The following RGS7BP variants were observed in gnomAD, a reference collection of about 807,000 sequenced individuals.
RGS7BP encodes the protein regulator of G protein signaling 7-binding protein.
Under a neutral mutation model 31.3 loss-of-function variants are expected in RGS7BP, and 9 were observed. That is an observed-to-expected ratio of 0.29 (90% CI 0.17 to 0.50). RGS7BP has a LOEUF of 0.50. Among genes scored for constraint, RGS7BP ranks in the 20% least tolerant of loss-of-function variants. The pLI is 0.98. For synonymous variants in RGS7BP, 115 were observed against 120.1 expected, an observed-to-expected ratio of 0.96 and a Z score of 0.28; for missense variants, 274 against 322.0, an observed-to-expected ratio of 0.85 and a Z score of 1.14.
chr5:64,539,403 A>G (rs1434551887), intron 2 of RGS7BP: 1 of 152,182 alleles, frequency 6.6e-6, no homozygotes, highest in African/African-American at 2.4e-5. Context: ...ATTTTTGTCT[A>G]TTATGGATTG....
intron 2 of RGS7BP, among the ~76,000 whole-genome samples, chr5:64,562,418 T>C (rs983744417): frequency 6.6e-6 from 1 of 152,138 alleles, no homozygotes; most frequent in African/African-American, 2.4e-5. Context: ...CTATGAAGTG[T>C]TATTATACTG....
Position 64,555,349 on chromosome 5 carries a change from A to G in RGS7BP, c.333-20425A>G, listed in dbSNP as rs916551052. On this transcript the variant is annotated intron_variant, in intron 2 of 5. Transcript: ENST00000334025. ...GGAGCTCATCACATTTTAGACAAAC[A>G]TATTTGTCTGTTTTACTCAATGTGT... is the stretch of plus-strand genomic sequence containing the variant. Among the ~76,000 whole-genome samples, 8 of 152,242 alleles carry G rather than the reference A, an allele frequency of 5.3e-5. No homozygotes were observed. In the East Asian group the frequency reaches 7.7e-4, roughly 15 times the overall value.
intron 2 of RGS7BP, among the ~76,000 whole-genome samples, chr5:64,524,076 A>G (rs1294372558): frequency 1.3e-5 from 2 of 152,200 alleles, no homozygotes; most frequent in East Asian, 3.8e-4. Flanking sequence ...CATGTTATTT[A>G]TATGATTTAG....
intron 2 of RGS7BP, among the ~76,000 whole-genome samples, chr5:64,520,659 G>A (rs1749082550): frequency 6.6e-6 from 1 of 152,250 alleles, no homozygotes; most frequent in Admixed American, 6.5e-5. Context: ...GGTCTGGGTA[G>A]GCTGAATTCT....
At chr5:64,507,950 A>G in intron 2 of RGS7BP, 73 bp downstream of exon 2, 1 of 1,276,294 alleles carries the variant, frequency 7.8e-7, no homozygotes, top group East Asian at 2.4e-5. Flanking sequence ...ATGGTAGTCA[A>G]GTCCTCAGAC....
rs577950522 is a variant in RGS7BP at position 64,546,373 on chromosome 5, G to T, written c.333-29401G>T. Among the ~76,000 whole-genome samples the T allele has an allele frequency of 1.9e-4, 29 of 152,156 alleles. No individual in the cohort carries two copies. In the South Asian group the frequency reaches 4.8e-3, roughly 25 times the overall value. ...CAAGAAGCAGCACCCTGAGAGGTAG[G>T]AGTAAAACAACGAAAGACAGCGTCA... On this transcript the variant is annotated intron_variant, in intron 2 of 5. Coordinates refer to ENST00000334025, the MANE Select transcript of RGS7BP (RefSeq NM_001029875.3).
At chr5:64,546,572 A>T (rs1031551879) in intron 2 of RGS7BP, among the ~76,000 whole-genome samples, 1 of 152,164 alleles carries the variant, frequency 6.6e-6, no homozygotes, top group Non-Finnish European at 1.5e-5. Context: ...TTGAAACAAG[A>T]TGGGGAGGTG....
intron 2 of RGS7BP, among the ~76,000 whole-genome samples, chr5:64,518,367 C>T (rs527267345): frequency 4.8e-5 from 5 of 103,504 alleles, no homozygotes; most frequent in Non-Finnish European, 9.5e-5. Flanking sequence ...GTGGTGGTGG[C>T]GGGGGTGGGG....
At chr5:64,510,652 A>G (rs1748808918) in intron 2 of RGS7BP, among the ~76,000 whole-genome samples, 1 of 152,244 alleles carries the variant, frequency 6.6e-6, no homozygotes, top group South Asian at 2.1e-4. Flanking sequence ...ACTAAAAGTC[A>G]TTGAATTGTA....
At chr5:64,548,803 G>C (rs935280585) in intron 2 of RGS7BP, among the ~76,000 whole-genome samples, 4 of 151,294 alleles carry the variant, frequency 2.6e-5, no homozygotes, top group African/African-American at 7.3e-5. Context: ...CACCACTCCT[G>C]GCCTTGTTCT....
At position 64,538,758 on chromosome 5, in the gene RGS7BP, G is replaced by C. The variant is rs796241898; in HGVS notation, c.332+30881G>C. Among the ~76,000 whole-genome samples, 43 of 151,652 alleles carry C rather than the reference G, an allele frequency of 2.8e-4. 2 individuals carry two copies. The highest frequency in any genetic ancestry group is 9.9e-4 in the African/African-American group (41 of 41,332). On this transcript the variant is annotated intron_variant, in intron 2 of 5. Transcript: ENST00000334025. ...GTTAGCAGAGATGAGGTTTCGCCAG[G>C]TTGGCCAGGCTGGTCTTGAACTCCT...
At chr5:64,595,467 A>T (rs2111960483) in intron 4 of RGS7BP, among the ~76,000 whole-genome samples, 1 of 152,278 alleles carries the variant, frequency 6.6e-6, no homozygotes, top group Middle Eastern at 3.4e-3. Context: ...GCTCACTTCT[A>T]GAGAGGCAGT....
In RGS7BP at chr5:64,509,049, A is replaced by G. The variant is rs545362170; in HGVS notation, c.332+1172A>G. Among the ~76,000 whole-genome samples the G allele has an allele frequency of 5.3e-5, 8 of 152,332 alleles. No homozygotes were observed. The South Asian group carries it at 1.7e-3, about 32-fold the overall frequency. ...AATATGTTATAACCATATTTTATTT[A>G]GTAAAAATATTGAGAAGCCTTATCC... On this transcript the variant is annotated intron_variant, in intron 2 of 5. Transcript: ENST00000334025.
chr5:64,538,527 T>TA (rs1741437238), intron 2 of RGS7BP, among the ~76,000 whole-genome samples: 1 of 120,698 alleles, frequency 8.3e-6, no homozygotes, highest in African/African-American at 3.5e-5. Context: ...CCTTTTCTTT[T>TA]CTTTTTTTTT....
intron 3 of RGS7BP, among the ~76,000 whole-genome samples, chr5:64,585,764 T>C (rs1218656384): frequency 3.9e-5 from 6 of 152,194 alleles, no homozygotes; most frequent in Non-Finnish European, 4.4e-5. Flanking sequence ...ACATTATCCA[T>C]AAACAAGCTA....
chr5:64,575,098 T>C (rs1742385350), intron 2 of RGS7BP, among the ~76,000 whole-genome samples: 1 of 152,192 alleles, frequency 6.6e-6, no homozygotes, highest in African/African-American at 2.4e-5. Context: ...TGTTTTATCA[T>C]ATTTAATAGA....
At chr5:64,564,933 C>T (rs1742134811) in intron 2 of RGS7BP, among the ~76,000 whole-genome samples, 1 of 152,008 alleles carries the variant, frequency 6.6e-6, no homozygotes, top group Admixed American at 6.6e-5. Flanking sequence ...CATTAAGAAA[C>T]ACAGGAAATC....
intron 2 of RGS7BP, among the ~76,000 whole-genome samples, chr5:64,527,019 C>T (rs1749247303): frequency 6.6e-6 from 1 of 152,224 alleles, no homozygotes; most frequent in South Asian, 2.1e-4. Context: ...CCTGAATACA[C>T]ACTTGAAATT....
At chr5:64,585,659 C>T (rs1019281378) in intron 3 of RGS7BP, among the ~76,000 whole-genome samples, 1 of 152,096 alleles carries the variant, frequency 6.6e-6, no homozygotes, top group African/African-American at 2.4e-5. Context: ...CGTGAATGAC[C>T]GGCAATTTCT....
Sources: allele counts gnomAD v4.1 joint callset (sites outside exome capture counted in the v4.1 genomes callset), GRCh38; gene constraint gnomAD v4.1.1; transcripts MANE v1.5; gene names NCBI Gene and HGNC (gene_info 2026-07-23, HGNC 2026-07-21).